TAMM41: variants seen among roughly 807,000 people sequenced by gnomAD.
TAMM41 encodes TAM41 mitochondrial translocator assembly and maintenance homolog.
TAMM41 carries 36 observed loss-of-function variants against 44.1 expected under a neutral mutation model. The ratio of observed to expected loss-of-function variants is 0.82; its 90% confidence interval spans 0.63 to 1.08. TAMM41 has a LOEUF of 1.08. Ranked by LOEUF, TAMM41 falls within the 50% of genes least tolerant of loss-of-function variation. TAMM41 has a pLI of 0.00. For missense variants in TAMM41, 417 were observed against 404.3 expected, an observed-to-expected ratio of 1.03 and a Z score of -0.27; for synonymous variants, 164 against 153.1, an observed-to-expected ratio of 1.07 and a Z score of -0.53.
At chr3:11,764,287 C>T in the TAMM41 span, among the ~76,000 whole-genome samples, 106 of 151,924 alleles carry the variant, frequency 7.0e-4, no homozygotes, top group Non-Finnish European at 1.2e-3. Flanking sequence ...TGAGCCATGG[C>T]GCCCAGACCT....
chr3:11,730,578 C>CA, the TAMM41 span, among the ~76,000 whole-genome samples: 3 of 151,756 alleles, frequency 2.0e-5, no homozygotes, highest in Non-Finnish European at 2.9e-5. Context: ...ACTAAAAATA[C>CA]AAAAAATTAG....
chr3:11,793,774 C>A (rs777796200), intron 7 of TAMM41, among the ~76,000 whole-genome samples: 15 of 152,086 alleles, frequency 9.9e-5, no homozygotes, highest in Non-Finnish European at 1.2e-4. Flanking sequence ...AGAACCGTGG[C>A]ACTGGGAGTC....
At chr3:11,840,095 T>G (rs1171211402) in intron 2 of TAMM41, among the ~76,000 whole-genome samples, 1 of 152,044 alleles carries the variant, frequency 6.6e-6, no homozygotes, top group African/African-American at 2.4e-5. Flanking sequence ...CCCCAACCAA[T>G]CAGCAGCACC....
the TAMM41 span, among the ~76,000 whole-genome samples, chr3:11,739,671 CAAAAAAAAAAAAAA>C: frequency 3.7e-5 from 2 of 53,440 alleles, no homozygotes; most frequent in East Asian, 1.4e-3. Context: ...GACTCCATCT[CAAAAAAAAAAAAAA>C]AAAAAAAAAA....
the TAMM41 span, among the ~76,000 whole-genome samples, chr3:11,742,737 C>T: frequency 7.0e-6 from 1 of 142,014 alleles, no homozygotes; most frequent in Non-Finnish European, 1.5e-5. Context: ...CAGGTGTGCA[C>T]CACCACACCT....
rs146997119 is a variant in TAMM41, at chr3:11,802,205, G to C, written c.937+5628C>G. ...TGCACCGTGTAGCCTGAGTGATAGAGCCAGACCCTGACTCAAAAAACAAAA... is the reference window on the plus strand; with the variant it reads ...TGCACCGTGTAGCCTGAGTGATAGACCCAGACCCTGACTCAAAAAACAAAA... On this transcript the variant is annotated intron_variant, in intron 7 of 7. Coordinates refer to ENST00000455809, the MANE Select transcript of TAMM41 (RefSeq NM_001284401.2). Among the ~76,000 whole-genome samples the C allele has an allele frequency of 9.2e-3, 1,399 of 152,228 alleles. 29 individuals carry two copies. The highest frequency in any genetic ancestry group is 0.033 in the African/African-American group (1,352 of 41,546).
chr3:11,801,616 A>G (rs1305450991), intron 7 of TAMM41, among the ~76,000 whole-genome samples: 4 of 152,028 alleles, frequency 2.6e-5, no homozygotes, highest in Non-Finnish European at 5.9e-5. Context: ...ATGAGCCACC[A>G]TGCCTGACCT....
chr3:11,766,725 T>C, the TAMM41 span, among the ~76,000 whole-genome samples: 1 of 147,922 alleles, frequency 6.8e-6, no homozygotes, highest in East Asian at 2.0e-4. Flanking sequence ...CACTACTACA[T>C]CTGGCAAATT....
chr3:11,758,908 G>A, the TAMM41 span, among the ~76,000 whole-genome samples: 2 of 151,124 alleles, frequency 1.3e-5, no homozygotes, highest in Non-Finnish European at 3.0e-5. Context: ...TCCTGACCTC[G>A]TGATCCACCT....
At position 11,805,002 on chromosome 3, in the gene TAMM41, T is replaced by G. The variant is rs887857129; in HGVS notation, c.937+2831A>C. On this transcript the variant is annotated intron_variant, in intron 7 of 7. Transcript: ENST00000455809. ...CGCACCACCACGCCCAGCCCTTTTT[T>G]TTTTTTTTTTTTTTTTTTTTTTGAG... Among the ~76,000 whole-genome samples the G allele has an allele frequency of 2.4e-3, 326 of 135,306 alleles. 3 individuals are homozygous for G. Among genetic ancestry groups the G allele is most frequent in the African/African-American group, 8.8e-3 (312 of 35,582 alleles). 88.8% of individuals were successfully genotyped at this position (135,306 alleles called of 152,430 possible). A position where few individuals can be genotyped will look rare whatever the true frequency, so the allele number is the denominator to read the frequency against.
chr3:11,729,520 TCTTTC>T, the TAMM41 span, among the ~76,000 whole-genome samples: 10 of 138,012 alleles, frequency 7.2e-5, no homozygotes, highest in East Asian at 8.0e-4. Flanking sequence ...TTTCTTTCTT[TCTTTC>T]TTTTCTTTCT....
intron 3 of TAMM41, among the ~76,000 whole-genome samples, chr3:11,832,390 T>C (rs1559315989): frequency 6.6e-6 from 1 of 152,144 alleles, no homozygotes; most frequent in South Asian, 2.1e-4. Flanking sequence ...AAGCACGGTA[T>C]TAGGTATTAA....
At chr3:11,799,392 G>A (rs1206547379) in intron 7 of TAMM41, among the ~76,000 whole-genome samples, 1 of 152,128 alleles carries the variant, frequency 6.6e-6, no homozygotes, top group Non-Finnish European at 1.5e-5. Flanking sequence ...GTTGTAATTT[G>A]AGCTCTAGTC....
At chr3:11,757,714 G>T in the TAMM41 span, among the ~76,000 whole-genome samples, 1 of 152,174 alleles carries the variant, frequency 6.6e-6, no homozygotes, top group African/African-American at 2.4e-5. Context: ...TTTAATCTTT[G>T]CTCTGATTCT....
chr3:11,773,048 C>T, the TAMM41 span, among the ~76,000 whole-genome samples: 1 of 152,058 alleles, frequency 6.6e-6, no homozygotes, highest in African/African-American at 2.4e-5. Context: ...CCTTCGCCTC[C>T]CGGGTTCAAG....
Position 11,795,300 on chromosome 3 carries a change from C to T in TAMM41, c.938-4719G>A, listed in dbSNP as rs2077577986. On this transcript the variant is annotated intron_variant, in intron 7 of 7. Coordinates refer to ENST00000455809, the MANE Select transcript of TAMM41 (RefSeq NM_001284401.2). ...TTAAAAATTAAACTCATCATCCTCG[C>T]CCAACCTCCCCCTCTGCTCAGGGAA... is the stretch of plus-strand genomic sequence containing the variant. 2.0e-5 allele frequency among the ~76,000 whole-genome samples: 3 copies of T among 152,316 alleles called. No individual in the cohort carries two copies. The South Asian group carries it at 6.2e-4, about 32-fold the overall frequency.
chr3:11,767,718 C>T, the TAMM41 span, among the ~76,000 whole-genome samples: 5 of 143,398 alleles, frequency 3.5e-5, no homozygotes, highest in Non-Finnish European at 7.6e-5. Flanking sequence ...CTCCGCCTCC[C>T]GGGTTCAAGC....
chr3:11,764,361 C>A, the TAMM41 span, among the ~76,000 whole-genome samples: 2 of 151,814 alleles, frequency 1.3e-5, no homozygotes, highest in African/African-American at 4.8e-5. Context: ...CTTTGCGTTC[C>A]CAGTGGCTTG....
Position 11,846,736 on chromosome 3 carries a change from G to A in TAMM41, c.-100C>T, listed in dbSNP as rs914419060. 3.4e-6 allele frequency: 5 copies of A among 1,482,490 alleles called. No individual in the cohort carries two copies. Among genetic ancestry groups the A allele is most frequent in the Non-Finnish European group, 4.6e-6 (5 of 1,078,752 alleles). The allele number at this position is 1,482,490 out of a possible 1,614,324, so 91.8% of individuals were successfully genotyped here. A position where few individuals can be genotyped will look rare whatever the true frequency, so the allele number is the denominator to read the frequency against. ...CGGTTTAGGGTGGGAAATGGAAGTC[G>A]GAGACTGGATCGAGGGACACAAGGC... On this transcript the variant is annotated 5_prime_UTR_variant, in exon 1 of 8. Transcript: ENST00000455809.
Sources: gnomAD v4.1 joint callset for allele counts (sites outside exome capture counted in the v4.1 genomes callset) on GRCh38, gnomAD v4.1.1 for gene constraint, MANE v1.5 for transcripts, NCBI Gene and HGNC (gene_info 2026-07-23, HGNC 2026-07-21) for gene names.